STIM1: variants seen among roughly 807,000 people sequenced by gnomAD.
The protein encoded by STIM1 is stromal interaction molecule 1.
Under a neutral mutation model 74.7 loss-of-function variants are expected in STIM1, and 25 were observed. The observed-to-expected ratio is 0.33, with a 90% CI of 0.24 to 0.47. The LOEUF (loss-of-function observed/expected upper bound fraction) is 0.47, where lower values mean the gene tolerates loss of function less well. Ranked by LOEUF, STIM1 falls within the 20% of genes least tolerant of loss-of-function variation. The pLI, the probability that STIM1 is intolerant of heterozygous loss-of-function variation, is 1.00. For synonymous variants in STIM1, 328 were observed against 348.8 expected, an observed-to-expected ratio of 0.94 and a Z score of 0.66; for missense variants, 728 against 920.8, an observed-to-expected ratio of 0.79 and a Z score of 2.71.
At chr11:4,005,418 A>T (rs1470245304) in intron 2 of STIM1, among the ~76,000 whole-genome samples, 4 of 152,174 alleles carry the variant, frequency 2.6e-5, no homozygotes, top group Admixed American at 6.5e-5. Context: ...AGATGAGTTC[A>T]TCTCCTTTGT....
intron 2 of STIM1, chr11:3,989,538 C>T (rs1350381128): frequency 3.5e-6 from 2 of 573,074 alleles, no homozygotes; most frequent in East Asian, 7.6e-5. Context: ...GCTGGGCTGC[C>T]TGGTCGCTGC....
chr11:4,011,534 T>C (rs1435752690), intron 2 of STIM1, among the ~76,000 whole-genome samples: 1 of 152,234 alleles, frequency 6.6e-6, no homozygotes, highest in Non-Finnish European at 1.5e-5. Flanking sequence ...TTTTGAGAAG[T>C]GTCTGTTCAT....
At chr11:3,902,605 G>C (rs1420912212) in intron 1 of STIM1, among the ~76,000 whole-genome samples, 1 of 152,230 alleles carries the variant, frequency 6.6e-6, no homozygotes, top group African/African-American at 2.4e-5. Context: ...GCGGAGCTCA[G>C]GCAGTAATGC....
In STIM1 at chr11:3,909,874, G is replaced by A. The variant is rs534433906; in HGVS notation, c.139+53465G>A. Among the ~76,000 whole-genome samples, 20 of 152,166 alleles carry A rather than the reference G, an allele frequency of 1.3e-4. No individual in the cohort carries two copies. The South Asian group carries it at 3.7e-3, about 28-fold the overall frequency. On this transcript the variant is annotated intron_variant, in intron 1 of 12. Transcript: ENST00000526596. ...TATGTAAAGAAGAGTGAATAATGAG[G>A]TATGGATTAGAATGGCACCCAGAGG...
chr11:4,018,458 CAAAAAAAAAAA>C (rs1157096857), intron 2 of STIM1, among the ~76,000 whole-genome samples: 30 of 20,556 alleles, frequency 1.5e-3, no homozygotes, highest in Admixed American at 5.6e-3. Context: ...GACTCCGTCT[CAAAAAAAAAAA>C]AAAAAAAAAA....
chr11:3,913,472 A>G (rs1330513248), intron 1 of STIM1, among the ~76,000 whole-genome samples: 1 of 152,098 alleles, frequency 6.6e-6, no homozygotes, highest in Non-Finnish European at 1.5e-5. Context: ...ACAGGGATCA[A>G]CCACTGTGCC....
intron 4 of STIM1, chr11:4,058,798 A>G (rs1004607696): frequency 6.1e-6 from 6 of 988,906 alleles, no homozygotes; most frequent in African/African-American, 3.5e-5. Context: ...TTCCTTTTCT[A>G]TATTTCATTT....
intron 2 of STIM1, among the ~76,000 whole-genome samples, chr11:4,006,410 T>C (rs2093781618): frequency 1.3e-5 from 2 of 152,182 alleles, no homozygotes; most frequent in Admixed American, 1.3e-4. Context: ...TATTTCTTTT[T>C]TTCTTTCTTT....
intron 1 of STIM1, among the ~76,000 whole-genome samples, chr11:3,957,341 CT>C (rs2093227778): frequency 6.6e-6 from 1 of 151,956 alleles, no homozygotes; most frequent in African/African-American, 2.4e-5. Context: ...ACTGCAGCCT[CT>C]GCCTCCTGGT....
chr11:4,059,985 G>A, intron 5 of STIM1, among the ~76,000 whole-genome samples: 1 of 152,172 alleles, frequency 6.6e-6, no homozygotes, highest in East Asian at 1.9e-4. Flanking sequence ...TATAATGACA[G>A]TGGGTTATTG....
intron 2 of STIM1, among the ~76,000 whole-genome samples, chr11:3,978,784 G>T (rs1375631631): frequency 6.6e-6 from 1 of 151,924 alleles, no homozygotes; most frequent in Non-Finnish European, 1.5e-5. Flanking sequence ...AGTTTAGTGG[G>T]GGTAGAAATA....
At chr11:3,966,007 A>G (rs61191269) in intron 1 of STIM1, among the ~76,000 whole-genome samples, 8,348 of 151,242 alleles carry the variant, frequency 0.055, 297 homozygotes, top group Non-Finnish European at 0.087. Context: ...ACTCTGTCTC[A>G]AAAAACAAAC....
At chr11:3,915,296 C>T (rs1202337083) in intron 1 of STIM1, among the ~76,000 whole-genome samples, 1 of 152,078 alleles carries the variant, frequency 6.6e-6, no homozygotes, top group African/African-American at 2.4e-5. Flanking sequence ...TGCTATGTTG[C>T]CCAGGTGCAT....
chr11:3,970,439 A>G (rs983119435), intron 2 of STIM1, among the ~76,000 whole-genome samples: 1 of 152,174 alleles, frequency 6.6e-6, no homozygotes, highest in East Asian at 1.9e-4. Context: ...AGAGTTCAGG[A>G]TCTAACTAGA....
intron 1 of STIM1, among the ~76,000 whole-genome samples, chr11:3,861,336 C>T (rs2090598802): frequency 6.6e-6 from 1 of 151,746 alleles, no homozygotes; most frequent in Admixed American, 6.6e-5. Context: ...CAGGTTCATG[C>T]CATTCTCCTG....
At chr11:4,070,310 A>T in intron 6 of STIM1, 107 bp downstream of exon 6, 1 of 1,288,824 alleles carries the variant, frequency 7.8e-7, no homozygotes, top group Admixed American at 1.9e-5. Flanking sequence ...TCAGCATGGC[A>T]GCCCAGGCTG....
intron 3 of STIM1, among the ~76,000 whole-genome samples, chr11:4,047,485 A>AG (rs1353104405): frequency 6.6e-6 from 1 of 152,094 alleles, no homozygotes; most frequent in Non-Finnish European, 1.5e-5. Context: ...GTGTGGCGGC[A>AG]TGTGTCTGTA....
At chr11:3,914,642 A>G (rs543441108) in intron 1 of STIM1, among the ~76,000 whole-genome samples, 34 of 152,066 alleles carry the variant, frequency 2.2e-4, no homozygotes, top group Non-Finnish European at 4.3e-4. Context: ...GGGTTTCACC[A>G]TATTGGCCAG....
At chr11:4,042,823 T>C (rs750726781) in intron 3 of STIM1, among the ~76,000 whole-genome samples, 1 of 152,160 alleles carries the variant, frequency 6.6e-6, no homozygotes, top group Non-Finnish European at 1.5e-5. Flanking sequence ...TGAAGGTACA[T>C]ATGAAGAAAA....
Sources: gnomAD v4.1 joint callset for allele counts (sites outside exome capture counted in the v4.1 genomes callset) on GRCh38, gnomAD v4.1.1 for gene constraint, MANE v1.5 for transcripts, NCBI Gene and HGNC (gene_info 2026-07-23, HGNC 2026-07-21) for gene names.